The following GNB4 variants were observed in gnomAD, a reference collection of about 807,000 sequenced individuals.
GNB4 encodes guanine nucleotide-binding protein subunit beta-4.
In GNB4, 28 loss-of-function variants were observed where a neutral mutation model predicts 45.2. The observed-to-expected ratio is 0.62, with a 90% CI of 0.46 to 0.85. GNB4 has a LOEUF of 0.85. Ranked by LOEUF, GNB4 falls within the 40% of genes least tolerant of loss-of-function variation. The pLI is 0.00. For synonymous variants in GNB4, 132 were observed against 143.7 expected (o/e 0.92, Z 0.58); for missense variants, 321 against 425.4 (o/e 0.75, Z 2.16).
the GNB4 span, among the ~76,000 whole-genome samples, chr3:179,526,083 G>A: frequency 6.6e-6 from 1 of 152,244 alleles, no homozygotes; most frequent in Admixed American, 6.5e-5. Context: ...ATAGGGTGGG[G>A]CCGTTTTATA....
the GNB4 span, among the ~76,000 whole-genome samples, chr3:179,485,326 A>G: frequency 4.3e-4 from 65 of 152,238 alleles, 1 homozygote; most frequent in East Asian, 0.011. Context: ...GCAACTTTAT[A>G]GAACATAACT....
At chr3:179,454,452 A>G (rs1027835514), upstream of GNB4, among the ~76,000 whole-genome samples, 9 of 152,196 alleles carry the variant, frequency 5.9e-5, no homozygotes, top group African/African-American at 2.2e-4. Context: ...GAAAGTGGTC[A>G]TTGCTTTTCT....
chr3:179,482,850 A>G, the GNB4 span, among the ~76,000 whole-genome samples: 1 of 152,178 alleles, frequency 6.6e-6, no homozygotes, highest in African/African-American at 2.4e-5. Flanking sequence ...CTGGTCTCAG[A>G]ATATGAAGTT....
At chr3:179,464,429 C>T in the GNB4 span, 1 of 1,509,390 alleles carries the variant, frequency 6.6e-7, no homozygotes, top group Non-Finnish European at 9.2e-7. Context: ...CTCGCCCCTT[C>T]CACCTCACGG....
chr3:179,435,650 G>A (rs2108612823), intron 1 of GNB4, among the ~76,000 whole-genome samples: 1 of 152,186 alleles, frequency 6.6e-6, no homozygotes, highest in African/African-American at 2.4e-5. Context: ...TAAACACAGT[G>A]CTCTTATTTT....
chr3:179,511,373 A>G, the GNB4 span, among the ~76,000 whole-genome samples: 2 of 152,236 alleles, frequency 1.3e-5, no homozygotes, highest in Non-Finnish European at 2.9e-5. Flanking sequence ...TAACAACTGT[A>G]TAAGATAATT....
intron 1 of GNB4, among the ~76,000 whole-genome samples, chr3:179,433,785 A>T (rs1371037112): frequency 6.6e-6 from 1 of 152,212 alleles, no homozygotes; most frequent in East Asian, 1.9e-4. Context: ...TAGAATTTTT[A>T]AAGTAATTAC....
chr3:179,450,415 T>C (rs1272505807), intron 1 of GNB4, among the ~76,000 whole-genome samples: 2 of 152,196 alleles, frequency 1.3e-5, no homozygotes, highest in African/African-American at 4.8e-5. Context: ...GGTCATAAAC[T>C]CTGTTTGCAA....
chr3:179,414,455 C>T (rs1560213766), intron 6 of GNB4, among the ~76,000 whole-genome samples: 1 of 152,146 alleles, frequency 6.6e-6, no homozygotes, highest in East Asian at 1.9e-4. Context: ...CCCAATACTA[C>T]ACTATTGAAC....
At chr3:179,474,869 G>T in the GNB4 span, among the ~76,000 whole-genome samples, 6 of 146,456 alleles carry the variant, frequency 4.1e-5, no homozygotes, top group Admixed American at 1.4e-4. Context: ...CTTCCACCTT[G>T]CCCTCCCAAA....
chr3:179,449,039 A>C (rs541381594), intron 1 of GNB4, among the ~76,000 whole-genome samples: 1 of 152,360 alleles, frequency 6.6e-6, no homozygotes, highest in African/African-American at 2.4e-5. Flanking sequence ...AGTAACTGAC[A>C]AATTGAAGGT....
At chr3:179,482,170 A>G in the GNB4 span, among the ~76,000 whole-genome samples, 1 of 152,194 alleles carries the variant, frequency 6.6e-6, no homozygotes, top group East Asian at 1.9e-4. Flanking sequence ...GCTTGGCATT[A>G]CAGGCGTGAA....
chr3:179,421,054 A>G, intron 2 of GNB4, 127 bp from the exon 3 acceptor site: 1 of 612,270 alleles, frequency 1.6e-6, no homozygotes, highest in Non-Finnish European at 2.9e-6. Context: ...AATTTTTTTA[A>G]TTGATATAAA....
the GNB4 span, among the ~76,000 whole-genome samples, chr3:179,516,104 G>C: frequency 6.6e-6 from 1 of 152,182 alleles, no homozygotes; most frequent in Non-Finnish European, 1.5e-5. Flanking sequence ...CTTGATTGGT[G>C]AGTTTTTGGG....
intron 1 of GNB4, among the ~76,000 whole-genome samples, chr3:179,444,350 A>G (rs2108620424): frequency 6.6e-6 from 1 of 152,186 alleles, no homozygotes; most frequent in East Asian, 1.9e-4. Flanking sequence ...ACTAATATCT[A>G]AGTTTAAAAT....
chr3:179,476,260 A>G, the GNB4 span, among the ~76,000 whole-genome samples: 1 of 152,264 alleles, frequency 6.6e-6, no homozygotes, highest in Non-Finnish European at 1.5e-5. Context: ...CTAAAACTTA[A>G]CAGTGAAAAC....
chr3:179,431,224 C>T lies in GNB4; in HGVS notation c.-42-4982G>A, dbSNP rs76494907. On this transcript the variant is annotated intron_variant, in intron 1 of 9. Coordinates refer to ENST00000232564, the MANE Select transcript of GNB4 (RefSeq NM_021629.4). ...ACCATCTAGAAGTATCCATCTCCTG[C>T]CTGCTCTTTTGCACTTTCTGACATT... Among the ~76,000 whole-genome samples, 847 of 152,132 alleles carry T rather than the reference C, an allele frequency of 5.6e-3. 4 individuals are homozygous for T. Among genetic ancestry groups the T allele is most frequent in the African/African-American group, 0.019 (793 of 41,476 alleles).
chr3:179,482,473 G>C, the GNB4 span, among the ~76,000 whole-genome samples: 1 of 152,118 alleles, frequency 6.6e-6, no homozygotes, highest in Non-Finnish European at 1.5e-5. Context: ...TAGCAATTCT[G>C]CTTTTGAAAT....
chr3:179,439,654 C>A (rs1715548846), intron 1 of GNB4, among the ~76,000 whole-genome samples: 1 of 152,220 alleles, frequency 6.6e-6, no homozygotes, highest in Admixed American at 6.5e-5. Flanking sequence ...ATGTATATCT[C>A]ACTGCTTCTT....
Sources: gnomAD v4.1 joint callset for allele counts (sites outside exome capture counted in the v4.1 genomes callset) on GRCh38, gnomAD v4.1.1 for gene constraint, MANE v1.5 for transcripts, NCBI Gene and HGNC (gene_info 2026-07-23, HGNC 2026-07-21) for gene names.